The following ZNF536 variants were observed in gnomAD, a reference collection of about 807,000 sequenced individuals.
The protein encoded by ZNF536 is zinc finger protein 536.
ZNF536 carries 13 observed loss-of-function variants against 84.5 expected under a neutral mutation model. The observed-to-expected ratio is 0.15, with a 90% CI of 0.10 to 0.24. The LOEUF is 0.24. Ranked by LOEUF, ZNF536 falls within the 10% of genes least tolerant of loss-of-function variation. ZNF536 has a pLI of 1.00. For synonymous variants in ZNF536, 811 were observed against 742.5 expected (o/e 1.09, Z -1.50); for missense variants, 1,536 against 1,747.5 (o/e 0.88, Z 2.16).
At chr19:30,543,557 G>A (rs2045420707) in intron 3 of ZNF536, among the ~76,000 whole-genome samples, 2 of 152,228 alleles carry the variant, frequency 1.3e-5, no homozygotes, top group African/African-American at 2.4e-5. Context: ...CGGAGGCCTG[G>A]GATTTGCTAG....
intron 1 of ZNF536, among the ~76,000 whole-genome samples, chr19:30,701,402 C>T (rs1036625996): frequency 2.0e-5 from 3 of 151,836 alleles, no homozygotes; most frequent in Admixed American, 6.6e-5. Context: ...CACCCAAACA[C>T]ACACAGACAC....
At chr19:30,706,805 A>G (rs549109814) in intron 1 of ZNF536, among the ~76,000 whole-genome samples, 14 of 152,252 alleles carry the variant, frequency 9.2e-5, no homozygotes, top group Non-Finnish European at 1.0e-4. Flanking sequence ...TATCTGAGCC[A>G]TGGTAATTAG....
At chr19:30,552,389 A>G (rs2045816389) in intron 4 of ZNF536, among the ~76,000 whole-genome samples, 1 of 152,236 alleles carries the variant, frequency 6.6e-6, no homozygotes, top group African/African-American at 2.4e-5. Flanking sequence ...ACAGGCTTAT[A>G]GGAGGAGCTA....
chr19:30,680,685 T>C (rs866765859), intron 1 of ZNF536, among the ~76,000 whole-genome samples: 2 of 152,048 alleles, frequency 1.3e-5, no homozygotes, highest in Non-Finnish European at 2.9e-5. Context: ...CAAGTCTTTG[T>C]TATTGTGAAT....
chr19:30,598,582 G>A (rs1225684010), intron 1 of ZNF536, among the ~76,000 whole-genome samples: 1 of 152,134 alleles, frequency 6.6e-6, no homozygotes, highest in Non-Finnish European at 1.5e-5. Context: ...GGGGGAGGGA[G>A]AATGAAGCAT....
At chr19:30,423,536 T>C (rs2051073197) in intron 1 of ZNF536, among the ~76,000 whole-genome samples, 1 of 152,218 alleles carries the variant, frequency 6.6e-6, no homozygotes. Flanking sequence ...GGTAAATCCC[T>C]TTTCTCTGTC....
intron 2 of ZNF536, among the ~76,000 whole-genome samples, chr19:30,307,869 C>G (rs1353863692): frequency 6.6e-6 from 1 of 152,226 alleles, no homozygotes; most frequent in Admixed American, 6.5e-5. Flanking sequence ...AGCAGCGTAA[C>G]TTGGCCTCTC....
At chr19:30,423,861 G>A (rs2051093919) in intron 1 of ZNF536, among the ~76,000 whole-genome samples, 1 of 151,656 alleles carries the variant, frequency 6.6e-6, no homozygotes, top group Admixed American at 6.6e-5. Context: ...AGGTGGGAGG[G>A]TGGATAAGTA....
intron 1 of ZNF536, among the ~76,000 whole-genome samples, chr19:30,282,943 C>T (rs552048537): frequency 1.6e-4 from 25 of 152,284 alleles, no homozygotes; most frequent in Non-Finnish European, 2.4e-4. Context: ...AGCAGCTTCC[C>T]TGTGGCACCC....
intron 1 of ZNF536, among the ~76,000 whole-genome samples, chr19:30,241,620 G>A (rs917773718): frequency 6.6e-6 from 1 of 152,198 alleles, no homozygotes; most frequent in Non-Finnish European, 1.5e-5. Context: ...AAAAAGGGAT[G>A]GAGAGAGTTA....
intron 2 of ZNF536, among the ~76,000 whole-genome samples, chr19:30,340,803 G>T (rs893948096): frequency 2.0e-5 from 3 of 152,184 alleles, no homozygotes; most frequent in African/African-American, 7.2e-5. Context: ...AGTCACCAAA[G>T]AACCTGAAAT....
intron 2 of ZNF536, among the ~76,000 whole-genome samples, chr19:30,295,124 G>T (rs1205301277): frequency 6.6e-6 from 1 of 152,222 alleles, no homozygotes; most frequent in African/African-American, 2.4e-5. Flanking sequence ...CTAGGGGAAT[G>T]AGATTCTGCA....
At chr19:30,622,947 GTTT>G (rs566308884) in intron 1 of ZNF536, among the ~76,000 whole-genome samples, 4 of 141,050 alleles carry the variant, frequency 2.8e-5, no homozygotes, top group Non-Finnish European at 4.6e-5. Context: ...TCCTCCTAGA[GTTT>G]TTTTTTTTCT....
intron 2 of ZNF536, among the ~76,000 whole-genome samples, chr19:30,506,002 T>A (rs1020661220): frequency 1.3e-5 from 2 of 151,746 alleles, no homozygotes; most frequent in Admixed American, 1.3e-4. Flanking sequence ...TCTGTTGATT[T>A]TTTTTAGAAA....
chr19:30,498,872 A>G (rs1461934250), intron 2 of ZNF536, among the ~76,000 whole-genome samples: 1 of 152,132 alleles, frequency 6.6e-6, no homozygotes, highest in Non-Finnish European at 1.5e-5. Context: ...GGGCGCAAGT[A>G]GGCAGCGAGC....
chr19:30,327,828 G>A (rs2047087989), intron 2 of ZNF536, among the ~76,000 whole-genome samples: 1 of 152,144 alleles, frequency 6.6e-6, no homozygotes, highest in African/African-American at 2.4e-5. Context: ...TTATCCTTTG[G>A]GCAATGTCTT....
At chr19:30,678,580 C>G (rs1254009519) in intron 1 of ZNF536, among the ~76,000 whole-genome samples, 1 of 152,184 alleles carries the variant, frequency 6.6e-6, no homozygotes, top group Non-Finnish European at 1.5e-5. Flanking sequence ...GAACCCAAGA[C>G]AAGAGAAGGC....
chr19:30,531,517 G>T (rs2044819527), intron 2 of ZNF536, among the ~76,000 whole-genome samples: 1 of 151,936 alleles, frequency 6.6e-6, no homozygotes, highest in African/African-American at 2.4e-5. Flanking sequence ...TGATGCTGAG[G>T]TTTGAACTTC....
At chr19:30,666,845 T>C (rs2050341094) in intron 1 of ZNF536, among the ~76,000 whole-genome samples, 1 of 151,670 alleles carries the variant, frequency 6.6e-6, no homozygotes, top group African/African-American at 2.4e-5. Flanking sequence ...TATATATATA[T>C]ATATGTATGT....
Sources: gnomAD v4.1 joint callset for allele counts (sites outside exome capture counted in the v4.1 genomes callset) on GRCh38, gnomAD v4.1.1 for gene constraint, MANE v1.5 for transcripts, NCBI Gene and HGNC (gene_info 2026-07-23, HGNC 2026-07-21) for gene names.